Variants in CKS2 observed in about 807,000 individuals in gnomAD.
CKS2 encodes cyclin-dependent kinases regulatory subunit 2.
In CKS2, 4 loss-of-function variants were observed where a neutral mutation model predicts 14.3. The observed-to-expected ratio is 0.28, with a 90% CI of 0.14 to 0.64. CKS2 has a LOEUF of 0.64. CKS2 is among the 30% of genes least tolerant of loss of function. The pLI, the probability that CKS2 is intolerant of heterozygous loss-of-function variation, is 0.83. For missense variants in CKS2, 71 were observed against 94.3 expected, an observed-to-expected ratio of 0.75 and a Z score of 1.02; for synonymous variants, 33 against 28.7, an observed-to-expected ratio of 1.15 and a Z score of -0.48.
intron 1 of CKS2, chr9:89,312,266 G>A (rs1319795778): frequency 3.2e-5 from 5 of 154,446 alleles, no homozygotes. Context: ...CCCAATTAAA[G>A]TAGATTGGGG....
chr9:89,313,602 G>A (rs1420758614), intron 1 of CKS2, among the ~76,000 whole-genome samples: 1 of 152,196 alleles, frequency 6.6e-6, no homozygotes, highest in East Asian at 1.9e-4. Flanking sequence ...AACCCTGATG[G>A]AGGAGAGCCT....
chr9:89,312,501 C>T (rs1824638209), intron 1 of CKS2, among the ~76,000 whole-genome samples: 1 of 152,116 alleles, frequency 6.6e-6, no homozygotes, highest in African/African-American at 2.4e-5. Context: ...TTAGATTTCT[C>T]CGAATGCTAT....
At chr9:89,313,404 G>C (rs1564274284) in intron 1 of CKS2, among the ~76,000 whole-genome samples, 2 of 149,170 alleles carry the variant, frequency 1.3e-5, no homozygotes, top group Non-Finnish European at 2.9e-5. Context: ...GAGAAAAACT[G>C]TTAATTTTTC....
chr9:89,316,465 G>A lies in CKS2; in HGVS notation c.*40G>A, dbSNP rs781240509. ...TCGTCAAATCTTTTTCAAATTTAATGTATATGTGTATATAAGGTAGTATTC... is the reference window on the plus strand; with the variant it reads ...TCGTCAAATCTTTTTCAAATTTAATATATATGTGTATATAAGGTAGTATTC... On this transcript the variant is annotated 3_prime_UTR_variant, in exon 3 of 3. Transcript: ENST00000314355. The A allele has an allele frequency of 1.2e-5, 14 of 1,175,244 alleles. No homozygotes were observed. Among genetic ancestry groups the A allele is most frequent in the Middle Eastern group, 2.7e-4 (1 of 3,668 alleles). 72.8% of individuals were successfully genotyped at this position (1,175,244 alleles called of 1,614,324 possible).
intron 1 of CKS2, among the ~76,000 whole-genome samples, 168 bp from the exon 2 acceptor site, chr9:89,315,002 G>T (rs1824681742): frequency 6.6e-6 from 1 of 152,160 alleles, no homozygotes; most frequent in Non-Finnish European, 1.5e-5. Context: ...TCTGCTTTTG[G>T]ATTGTGCACT....
Position 89,311,235 on chromosome 9 carries a change from T to C in CKS2, c.-58T>C. ...GTTGTTGCCTGGGCTGGACGTGGTT[T>C]TGTCTGCTGCGCCCGCTCTTCGCGC... On this transcript the variant is annotated 5_prime_UTR_variant, in exon 1 of 3. Coordinates refer to ENST00000314355, the MANE Select transcript of CKS2 (RefSeq NM_001827.3). 6.8e-7 allele frequency: 1 copy of C among 1,477,620 alleles called. No homozygotes were observed. The highest frequency in any genetic ancestry group is 9.4e-7 in the Non-Finnish European group (1 of 1,063,268). The allele number at this position is 1,477,620 out of a possible 1,614,324, so 91.5% of individuals were successfully genotyped here.
chr9:89,311,234 T>G lies in CKS2; in HGVS notation c.-59T>G. 1 of 1,472,660 alleles carries G rather than the reference T, an allele frequency of 6.8e-7. No homozygotes were observed. Among genetic ancestry groups the G allele is most frequent in the Non-Finnish European group, 9.4e-7 (1 of 1,058,900 alleles). 91.2% of individuals were successfully genotyped at this position (1,472,660 alleles called of 1,614,324 possible). A position where few individuals can be genotyped will look rare whatever the true frequency, so the allele number is the denominator to read the frequency against. ...AGTTGTTGCCTGGGCTGGACGTGGTTTTGTCTGCTGCGCCCGCTCTTCGCG... is the reference window on the plus strand; with the variant it reads ...AGTTGTTGCCTGGGCTGGACGTGGTGTTGTCTGCTGCGCCCGCTCTTCGCG... On this transcript the variant is annotated 5_prime_UTR_variant, in exon 1 of 3. Transcript: ENST00000314355.
chr9:89,311,259 G>GC lies in CKS2; in HGVS notation c.-33dup. On this transcript the variant is annotated 5_prime_UTR_variant, in exon 1 of 3. Coordinates refer to ENST00000314355, the MANE Select transcript of CKS2 (RefSeq NM_001827.3). ...TTTGTCTGCTGCGCCCGCTCTTCGCGCTCTCGTTTCATTTTCTGCAGCGCG... is the reference window on the plus strand; with the variant it reads ...TTTGTCTGCTGCGCCCGCTCTTCGCGCCTCTCGTTTCATTTTCTGCAGCGCG... 1.3e-6 allele frequency: 2 copies of GC among 1,597,520 alleles called. No homozygotes were observed. The highest frequency in any genetic ancestry group is 1.7e-6 in the Non-Finnish European group (2 of 1,168,268).
chr9:89,316,471 G>A lies in CKS2; in HGVS notation c.*46G>A, dbSNP rs1824714473. The A allele has an allele frequency of 8.7e-7, 1 of 1,148,226 alleles. No individual in the cohort carries two copies. Among genetic ancestry groups the A allele is most frequent in the Non-Finnish European group, 1.3e-6 (1 of 772,618 alleles). 71.1% of individuals were successfully genotyped at this position (1,148,226 alleles called of 1,614,324 possible). A position where few individuals can be genotyped will look rare whatever the true frequency, so the allele number is the denominator to read the frequency against. On this transcript the variant is annotated 3_prime_UTR_variant, in exon 3 of 3. Transcript: ENST00000314355. Reference sequence around the variant, plus strand: ...AATCTTTTTCAAATTTAATGTATATGTGTATATAAGGTAGTATTCAGTGAA... The same window carrying A: ...AATCTTTTTCAAATTTAATGTATATATGTATATAAGGTAGTATTCAGTGAA...
intron 1 of CKS2, among the ~76,000 whole-genome samples, chr9:89,314,166 C>T (rs1824668088): frequency 6.6e-6 from 1 of 152,216 alleles, no homozygotes; most frequent in Non-Finnish European, 1.5e-5. Flanking sequence ...ACTGTTGCTA[C>T]TACTGCAGGT....
chr9:89,313,975 C>T (rs1041635881), intron 1 of CKS2, among the ~76,000 whole-genome samples: 2 of 152,184 alleles, frequency 1.3e-5, no homozygotes, highest in Non-Finnish European at 2.9e-5. Context: ...TGGTACTTAA[C>T]CACAGACTAA....
At chr9:89,312,197 TGG>T (rs2131462095) in intron 1 of CKS2, 1 of 154,860 alleles carries the variant, frequency 6.5e-6, no homozygotes, top group Admixed American at 6.5e-5. Flanking sequence ...TACTAGAACA[TGG>T]TGGCTGTAAT....
intron 1 of CKS2, among the ~76,000 whole-genome samples, 175 bp downstream of exon 1, chr9:89,311,526 G>A (rs1199324957): frequency 6.6e-6 from 1 of 152,224 alleles, no homozygotes; most frequent in Non-Finnish European, 1.5e-5. Context: ...CGCGCAGTCG[G>A]ACATGGTTGG....
intron 1 of CKS2, among the ~76,000 whole-genome samples, chr9:89,313,762 C>T (rs750082560): frequency 1.5e-4 from 23 of 152,204 alleles, no homozygotes; most frequent in Non-Finnish European, 2.9e-4. Flanking sequence ...AATAAGATAA[C>T]AGATTATTTG....
In CKS2 at chr9:89,316,303, AAT is replaced by A. The variant is rs551716649; in HGVS notation, c.188-68_188-67del. On this transcript the variant is annotated intron_variant, in intron 2 of 2. Coordinates refer to ENST00000314355, the MANE Select transcript of CKS2 (RefSeq NM_001827.3). ...TTTATTTTATTCTGGCTTAGTTGAG[AAT>A]ACTTTTGAATTTCTGTTGAGTATAT... The A allele has an allele frequency of 2.6e-4, 254 of 993,936 alleles. 3 individuals are homozygous for A. The South Asian group carries it at 3.5e-3, about 14-fold the overall frequency. The allele number at this position is 993,936 out of a possible 1,614,324, so 61.6% of individuals were successfully genotyped here.
intron 1 of CKS2, among the ~76,000 whole-genome samples, chr9:89,314,312 T>TA (rs1308813315): frequency 1.3e-5 from 2 of 152,226 alleles, no homozygotes; most frequent in Non-Finnish European, 2.9e-5. Flanking sequence ...CTGTTAATGA[T>TA]ACAGATTTGT....
intron 1 of CKS2, among the ~76,000 whole-genome samples, chr9:89,312,935 C>T (rs1486223456): frequency 1.3e-5 from 2 of 152,178 alleles, no homozygotes; most frequent in African/African-American, 4.8e-5. Context: ...ATAAATGAAG[C>T]TATTTCTCAG....
At chr9:89,311,465 CGGGGCCGGAGGGCGAGGGCCGG>C in intron 1 of CKS2, 114 bp downstream of exon 1, 1 of 596,526 alleles carries the variant, frequency 1.7e-6, no homozygotes, top group Non-Finnish European at 2.6e-6. Context: ...GGGCGGAGCC[CGGGGCCGGAGGGCGAGGGCCGG>C]GGTTTGGGGT....
At chr9:89,315,403 A>T in intron 2 of CKS2, 106 bp downstream of exon 2, 1 of 1,047,030 alleles carries the variant, frequency 9.6e-7, no homozygotes, top group Non-Finnish European at 1.3e-6. Context: ...TCTGAAAGTA[A>T]CTGTTCTGAT....
Sources: gnomAD v4.1 joint callset for allele counts (sites outside exome capture counted in the v4.1 genomes callset) on GRCh38, gnomAD v4.1.1 for gene constraint, MANE v1.5 for transcripts, NCBI Gene and HGNC (gene_info 2026-07-23, HGNC 2026-07-21) for gene names.